The following ARHGAP25 variants were observed in gnomAD, a reference collection of about 807,000 sequenced individuals.
The protein encoded by ARHGAP25 is Rho GTPase activating protein 25, also known as rho GTPase-activating protein 25.
In ARHGAP25, 34 loss-of-function variants were observed where a neutral mutation model predicts 71.0. The observed-to-expected ratio is 0.48, with a 90% CI of 0.36 to 0.64. The LOEUF (loss-of-function observed/expected upper bound fraction) is 0.64. Among genes scored for constraint, ARHGAP25 ranks in the 30% least tolerant of loss-of-function variants. The pLI, the probability that ARHGAP25 is intolerant of heterozygous loss-of-function variation, is 0.00. For synonymous variants in ARHGAP25, 282 were observed against 296.5 expected, an observed-to-expected ratio of 0.95 and a Z score of 0.50; for missense variants, 706 against 805.1, an observed-to-expected ratio of 0.88 and a Z score of 1.49.
chr2:68,821,042 A>G (rs564237196), intron 9 of ARHGAP25, among the ~76,000 whole-genome samples: 1 of 150,156 alleles, frequency 6.7e-6, no homozygotes, highest in East Asian at 2.0e-4. Context: ...CTGTAGATGT[A>G]CCAGTCCCTA....
At chr2:68,810,804 T>C (rs1234897375) in intron 5 of ARHGAP25, among the ~76,000 whole-genome samples, 1 of 150,702 alleles carries the variant, frequency 6.6e-6, no homozygotes, top group Admixed American at 6.6e-5. Flanking sequence ...TTCAGTGGTG[T>C]GATCTTGGCT....
upstream of ARHGAP25, among the ~76,000 whole-genome samples, chr2:68,734,376 G>A (rs1675106863): frequency 6.6e-6 from 1 of 152,168 alleles, no homozygotes; most frequent in African/African-American, 2.4e-5. Context: ...CCTAGCTTAA[G>A]TTGCTTCATT....
intron 1 of ARHGAP25, chr2:68,774,937 G>A: frequency 7.1e-7 from 1 of 1,408,984 alleles, no homozygotes; most frequent in East Asian, 2.6e-5. Flanking sequence ...CTTTCGGTTT[G>A]CAGAATGACG....
intron 2 of ARHGAP25, among the ~76,000 whole-genome samples, chr2:68,723,265 C>T (rs982743715): frequency 3.9e-5 from 6 of 152,222 alleles, no homozygotes; most frequent in Non-Finnish European, 7.3e-5. Context: ...CAGACAACTT[C>T]ATGCCTTGAG....
At chr2:68,757,937 G>A (rs1380279898) in intron 1 of ARHGAP25, among the ~76,000 whole-genome samples, 1 of 152,010 alleles carries the variant, frequency 6.6e-6, no homozygotes, top group Non-Finnish European at 1.5e-5. Context: ...ATATAAAGAT[G>A]TAATTCTGAG....
At chr2:68,787,433 T>C (rs1214231303) in intron 3 of ARHGAP25, among the ~76,000 whole-genome samples, 1 of 152,208 alleles carries the variant, frequency 6.6e-6, no homozygotes, top group African/African-American at 2.4e-5. Context: ...CCCCCACAAC[T>C]GAGCTCAGGA....
chr2:68,717,110 G>C (rs1047140029), intron 2 of ARHGAP25, among the ~76,000 whole-genome samples: 3 of 152,118 alleles, frequency 2.0e-5, no homozygotes, highest in Admixed American at 2.0e-4. Flanking sequence ...CATATGGTAC[G>C]GGCTATTGCT....
chr2:68,721,716 G>C (rs1369958177), intron 2 of ARHGAP25, among the ~76,000 whole-genome samples: 1 of 152,236 alleles, frequency 6.6e-6, no homozygotes, highest in East Asian at 1.9e-4. Context: ...GTAGAAGCTG[G>C]GTGGTGGAGC....
At chr2:68,753,082 G>A (rs1676272217) in intron 1 of ARHGAP25, among the ~76,000 whole-genome samples, 1 of 151,880 alleles carries the variant, frequency 6.6e-6, no homozygotes, top group Non-Finnish European at 1.5e-5. Flanking sequence ...GGTGGATGGG[G>A]GGGGTGATAA....
At chr2:68,804,959 C>T (rs999314502) in intron 4 of ARHGAP25, among the ~76,000 whole-genome samples, 11 of 152,134 alleles carry the variant, frequency 7.2e-5, no homozygotes, top group Admixed American at 2.0e-4. Flanking sequence ...CAGGTACATA[C>T]AAATCATGAT....
Position 68,822,862 on chromosome 2 carries a change from C to T in ARHGAP25, c.1723C>T (p.Gln575Ter). ...AACACAGAAGCAAATGTATGAGGAA[C>T]AGATTAAAAAGTAAGTCAGACAGAG... ...IETQKQMYEE[Q>*]IKNLEKENYD... Residue 575 changes from glutamine to a stop codon, truncating the protein, a stop_gained, in exon 10 of 11, where the codon CAG (glutamine) becomes TAG (stop). Coordinates refer to ENST00000409202, the MANE Select transcript of ARHGAP25 (RefSeq NM_001007231.3). LOFTEE classifies it high-confidence loss of function. 6.2e-7 allele frequency: 1 copy of T among 1,610,370 alleles called. No homozygotes were observed. The highest frequency in any genetic ancestry group is 8.5e-7 in the Non-Finnish European group (1 of 1,178,844).
At chr2:68,735,531 C>G in intron 1 of ARHGAP25, 1 of 540,906 alleles carries the variant, frequency 1.8e-6, no homozygotes, top group Non-Finnish European at 3.3e-6. Context: ...ACAGACTACA[C>G]ACAAAACTGT....
chr2:68,788,974 C>T (rs1205024333), intron 4 of ARHGAP25, among the ~76,000 whole-genome samples: 2 of 151,642 alleles, frequency 1.3e-5, no homozygotes, highest in African/African-American at 2.4e-5. Context: ...CTACTGTTTA[C>T]ATCTACACAC....
chr2:68,821,612 C>T (rs888128654), intron 9 of ARHGAP25, among the ~76,000 whole-genome samples: 2 of 152,224 alleles, frequency 1.3e-5, no homozygotes, highest in African/African-American at 4.8e-5. Context: ...TGTTTTCCTA[C>T]AGTTTCACCA....
At chr2:68,736,760 G>A (rs1259266885) in intron 1 of ARHGAP25, among the ~76,000 whole-genome samples, 1 of 152,026 alleles carries the variant, frequency 6.6e-6, no homozygotes, top group Non-Finnish European at 1.5e-5. Context: ...CACATCAAGT[G>A]CTGGCTAAAA....
chr2:68,718,867 C>T (rs532818400), intron 2 of ARHGAP25, among the ~76,000 whole-genome samples: 8 of 152,308 alleles, frequency 5.3e-5, no homozygotes, highest in African/African-American at 7.2e-5. Flanking sequence ...ATCAGAAAGA[C>T]AAGGCCATGA....
At chr2:68,774,939 A>G in intron 1 of ARHGAP25, 1 of 1,410,034 alleles carries the variant, frequency 7.1e-7, no homozygotes, top group Non-Finnish European at 9.2e-7. Flanking sequence ...TTCGGTTTGC[A>G]GAATGACGGG....
intron 1 of ARHGAP25, among the ~76,000 whole-genome samples, chr2:68,765,241 T>G (rs1358179968): frequency 1.3e-5 from 2 of 152,120 alleles, no homozygotes; most frequent in African/African-American, 4.8e-5. Flanking sequence ...GGAGGGAATG[T>G]GTACGTAAGT....
intron 1 of ARHGAP25, among the ~76,000 whole-genome samples, chr2:68,761,379 T>A (rs1454521139): frequency 2.0e-5 from 3 of 151,928 alleles, no homozygotes; most frequent in African/African-American, 4.8e-5. Context: ...GAAGAAAAAA[T>A]AGTCAAATTA....
Sources: gnomAD v4.1 joint callset for allele counts (sites outside exome capture counted in the v4.1 genomes callset) on GRCh38, gnomAD v4.1.1 for gene constraint, MANE v1.5 for transcripts, NCBI Gene and HGNC (gene_info 2026-07-23, HGNC 2026-07-21) for gene names.